Variants in ZSCAN4 observed in about 807,000 individuals in gnomAD.
ZSCAN4 encodes zinc finger and SCAN domain containing 4.
Under a neutral mutation model 18.3 loss-of-function variants are expected in ZSCAN4, and 18 were observed. The ratio of observed to expected loss-of-function variants is 0.98; its 90% CI spans 0.68 to 1.46. The LOEUF is 1.46. Ranked by LOEUF, ZSCAN4 falls within the 40% of genes most tolerant of loss-of-function variation. The pLI is 0.00. For synonymous variants in ZSCAN4, 193 were observed against 180.3 expected (o/e 1.07, Z -0.57); for missense variants, 498 against 511.4 (o/e 0.97, Z 0.25).
chr19:57,666,925 A>G (rs574488354), upstream of ZSCAN4, among the ~76,000 whole-genome samples: 25 of 141,862 alleles, frequency 1.8e-4, no homozygotes, highest in African/African-American at 6.5e-4. Context: ...ATTCTAATTG[A>G]AATCACTGTT....
chr19:57,675,101 C>T (rs1296342046), intron 2 of ZSCAN4, among the ~76,000 whole-genome samples: 2 of 147,796 alleles, frequency 1.4e-5, no homozygotes, highest in Non-Finnish European at 3.0e-5. Flanking sequence ...TTTACAGGCA[C>T]GTGCCACCAT....
exon 3 of ZSCAN4, chr19:57,676,082 C>G: frequency 1.3e-6 from 2 of 1,487,184 alleles, no homozygotes; most frequent in Non-Finnish European, 1.8e-6. Flanking sequence ...AAACAAATCC[C>G]TAGAGACACA....
At chr19:57,657,685 G>A in the ZSCAN4 span, among the ~76,000 whole-genome samples, 1 of 152,116 alleles carries the variant, frequency 6.6e-6, no homozygotes, top group Non-Finnish European at 1.5e-5. Flanking sequence ...ATCCATGGGG[G>A]ACTGATTCCA....
chr19:57,658,802 C>T, the ZSCAN4 span, among the ~76,000 whole-genome samples: 2 of 148,216 alleles, frequency 1.3e-5, no homozygotes, highest in African/African-American at 5.1e-5. Context: ...CCATTGCACT[C>T]CAGCCTGGGC....
the ZSCAN4 span, among the ~76,000 whole-genome samples, chr19:57,652,079 C>T: frequency 4.6e-5 from 7 of 152,206 alleles, no homozygotes; most frequent in African/African-American, 1.7e-4. Context: ...CATCCCTCCT[C>T]ATGATTGGAA....
the ZSCAN4 span, among the ~76,000 whole-genome samples, chr19:57,657,287 C>T: frequency 6.7e-6 from 1 of 149,072 alleles, no homozygotes; most frequent in South Asian, 2.1e-4. Flanking sequence ...GAGCTAGACT[C>T]CATGTCAAAA....
chr19:57,673,045 AATTT>A (rs936028237), intron 2 of ZSCAN4, among the ~76,000 whole-genome samples: 2 of 151,782 alleles, frequency 1.3e-5, no homozygotes, highest in African/African-American at 2.4e-5. Flanking sequence ...TTAATTAATT[AATTT>A]ATTTATTTAT....
At chr19:57,665,716 G>A (rs369427996), upstream of ZSCAN4, among the ~76,000 whole-genome samples, 24 of 152,130 alleles carry the variant, frequency 1.6e-4, no homozygotes, top group East Asian at 4.5e-3. Flanking sequence ...TCAGGAGTTC[G>A]AGACCAGCCT....
At chr19:57,661,124 A>T in the ZSCAN4 span, among the ~76,000 whole-genome samples, 7 of 152,130 alleles carry the variant, frequency 4.6e-5, no homozygotes, top group African/African-American at 1.4e-4. Context: ...TTGATCCCCT[A>T]TATTTTTATT....
In ZSCAN4 at chr19:57,676,555, T is replaced by C. The variant is rs1177928253; in HGVS notation, c.396+14T>C. 1.9e-6 allele frequency: 3 copies of C among 1,585,554 alleles called. No homozygotes were observed. The East Asian group carries it at 6.7e-5, about 36-fold the overall frequency. On this transcript the variant is annotated intron_variant, in intron 3 of 4. Transcript: ENST00000318203. Reference sequence around the variant, plus strand: ...CCACCTGCCTTAGTGAGTACAGGGTTCTAACTTCTGGGATGAGAGACAAAG... The same window carrying C: ...CCACCTGCCTTAGTGAGTACAGGGTCCTAACTTCTGGGATGAGAGACAAAG...
chr19:57,652,025 C>T, the ZSCAN4 span, among the ~76,000 whole-genome samples: 1 of 152,140 alleles, frequency 6.6e-6, no homozygotes, highest in Non-Finnish European at 1.5e-5. Context: ...TGCTCCAACC[C>T]CCAAGGGACT....
the ZSCAN4 span, among the ~76,000 whole-genome samples, chr19:57,658,051 G>T: frequency 6.6e-6 from 1 of 152,246 alleles, no homozygotes; most frequent in South Asian, 2.1e-4. Flanking sequence ...AACTGATTTT[G>T]CGTGTTATCA....
At chr19:57,651,953 T>C in the ZSCAN4 span, among the ~76,000 whole-genome samples, 1 of 152,012 alleles carries the variant, frequency 6.6e-6, no homozygotes, top group African/African-American at 2.4e-5. Flanking sequence ...GTGAGAGAAC[T>C]CCCCAGTCAC....
the ZSCAN4 span, among the ~76,000 whole-genome samples, chr19:57,652,975 T>C: frequency 6.6e-6 from 1 of 152,094 alleles, no homozygotes; most frequent in Non-Finnish European, 1.5e-5. Flanking sequence ...CTCACACTGA[T>C]GCTCTCCACC....
At chr19:57,666,339 T>C (rs1195584024), upstream of ZSCAN4, among the ~76,000 whole-genome samples, 3 of 152,282 alleles carry the variant, frequency 2.0e-5, no homozygotes, top group East Asian at 5.8e-4. Flanking sequence ...TCTCCAGTTC[T>C]TTCCTTCTCT....
At chr19:57,662,273 CCAAA>C in the ZSCAN4 span, among the ~76,000 whole-genome samples, 4 of 151,796 alleles carry the variant, frequency 2.6e-5, no homozygotes, top group South Asian at 8.3e-4. Context: ...TGAATGTGAG[CCAAA>C]CATTTTATGT....
At chr19:57,663,425 C>G in the ZSCAN4 span, among the ~76,000 whole-genome samples, 20 of 147,690 alleles carry the variant, frequency 1.4e-4, no homozygotes, top group Non-Finnish European at 2.7e-4. Flanking sequence ...GTGGCTCACG[C>G]CTGTAATCCC....
chr19:57,657,976 C>A, the ZSCAN4 span, among the ~76,000 whole-genome samples: 6 of 152,232 alleles, frequency 3.9e-5, no homozygotes, highest in East Asian at 1.9e-4. Flanking sequence ...TGCAATTTTT[C>A]TTCCAAATAT....
At chr19:57,674,392 T>C (rs942347346) in intron 2 of ZSCAN4, among the ~76,000 whole-genome samples, 10 of 152,226 alleles carry the variant, frequency 6.6e-5, no homozygotes, top group African/African-American at 2.2e-4. Context: ...ACCCACTGTT[T>C]AGCTTCTACT....
Sources: allele counts gnomAD v4.1 joint callset (sites outside exome capture counted in the v4.1 genomes callset), GRCh38; gene constraint gnomAD v4.1.1; transcripts MANE v1.5; gene names NCBI Gene and HGNC (gene_info 2026-07-23, HGNC 2026-07-21).